The following PDZD2 variants were observed in gnomAD, a reference collection of about 807,000 sequenced individuals.
PDZD2 encodes the protein PDZ domain-containing protein 2.
PDZD2 carries 90 observed loss-of-function variants against 220.7 expected under a neutral mutation model. The ratio of observed to expected loss-of-function variants is 0.41; its 90% confidence interval spans 0.34 to 0.49. The LOEUF (loss-of-function observed/expected upper bound fraction) is 0.49, where lower values mean the gene tolerates loss of function less well. Ranked by LOEUF, PDZD2 falls within the 20% of genes least tolerant of loss-of-function variation. PDZD2 has a pLI of 0.28. For synonymous variants in PDZD2, 1,375 were observed against 1,450.5 expected (o/e 0.95, Z 1.18); for missense variants, 3,174 against 3,608.5 (o/e 0.88, Z 3.08).
chr5:31,983,735 G>A, intron 3 of PDZD2, 79 bp downstream of exon 3: 4 of 1,388,188 alleles, frequency 2.9e-6, no homozygotes, highest in African/African-American at 1.4e-5. Flanking sequence ...AGCCCATGCG[G>A]GAAATACAAG....
intron 19 of PDZD2, among the ~76,000 whole-genome samples, chr5:32,079,434 C>T (rs1040502984): frequency 5.3e-5 from 8 of 151,740 alleles, no homozygotes; most frequent in Non-Finnish European, 8.8e-5. Context: ...ACTGTCTCAG[C>T]GCCTGCCTTC....
At chr5:31,749,545 T>C (rs1158825892) in intron 1 of PDZD2, among the ~76,000 whole-genome samples, 2 of 152,024 alleles carry the variant, frequency 1.3e-5, no homozygotes, top group East Asian at 3.9e-4. Context: ...TGCCTCAGCT[T>C]CCCGAGTAGC....
At chr5:31,641,249 G>A (rs995478452) in intron 1 of PDZD2, among the ~76,000 whole-genome samples, 5 of 152,190 alleles carry the variant, frequency 3.3e-5, no homozygotes, top group African/African-American at 1.2e-4. Flanking sequence ...GCAGACCAGT[G>A]CACATGCTGC....
chr5:31,764,826 C>T (rs1751889513), intron 1 of PDZD2, among the ~76,000 whole-genome samples: 1 of 152,180 alleles, frequency 6.6e-6, no homozygotes, highest in Non-Finnish European at 1.5e-5. Flanking sequence ...CCTGTTATCC[C>T]AGCACTTTGG....
At chr5:31,884,227 G>GCATACATACATACATACATA (rs557964815) in intron 2 of PDZD2, among the ~76,000 whole-genome samples, 2,243 of 147,536 alleles carry the variant, frequency 0.015, 65 homozygotes, top group African/African-American at 0.049. Flanking sequence ...ATAACTGCAT[G>GCATACATACATACATACATA]CATGCATACA....
rs770328018 is a variant in PDZD2, at chr5:32,037,189, G to C, written c.1408-42G>C. 7.8e-6 allele frequency: 10 copies of C among 1,275,576 alleles called. No individual in the cohort carries two copies. The South Asian group carries it at 1.1e-4, about 14-fold the overall frequency. The allele number at this position is 1,275,576 out of a possible 1,614,324, so 79.0% of individuals were successfully genotyped here. A position where few individuals can be genotyped will look rare whatever the true frequency, so the allele number is the denominator to read the frequency against. ...GAGGGGGACAGCATAAGTCATCGCA[G>C]GGCTGGGCTCTCCCATCAGCTCTGT... is the stretch of plus-strand genomic sequence containing the variant. On this transcript the variant is annotated intron_variant, in intron 6 of 24. Transcript: ENST00000438447.
At chr5:31,896,892 G>A (rs1741619759) in intron 2 of PDZD2, among the ~76,000 whole-genome samples, 1 of 152,218 alleles carries the variant, frequency 6.6e-6, no homozygotes, top group African/African-American at 2.4e-5. Context: ...GGGAGGTCAA[G>A]GCTGCAGTGA....
intron 19 of PDZD2, among the ~76,000 whole-genome samples, chr5:32,079,112 T>C (rs537265785): frequency 3.3e-5 from 5 of 150,622 alleles, no homozygotes; most frequent in African/African-American, 1.2e-4. Flanking sequence ...ATAAAAAAAT[T>C]AGCGGGTGTT....
Position 32,014,118 on chromosome 5 carries a change from A to G in PDZD2, c.1407+3636A>G, listed in dbSNP as rs1262469356. Among the ~76,000 whole-genome samples the G allele has an allele frequency of 2.6e-5, 4 of 152,360 alleles. No homozygotes were observed. The East Asian group carries it at 5.8e-4, about 22-fold the overall frequency. On this transcript the variant is annotated intron_variant, in intron 6 of 24. Coordinates refer to ENST00000438447, the MANE Select transcript of PDZD2 (RefSeq NM_178140.4). ...TTGTTTCAGCGTTTTTAAAAATGAA[A>G]GGACCACTTAAAGAAATGTGGTACT...
chr5:32,020,748 G>A (rs1367661051), intron 6 of PDZD2, among the ~76,000 whole-genome samples: 1 of 151,028 alleles, frequency 6.6e-6, no homozygotes, highest in Non-Finnish European at 1.5e-5. Flanking sequence ...AGGTTCAAGC[G>A]ATTCTCCTGC....
At chr5:31,747,509 G>A (rs1390965591) in intron 1 of PDZD2, 13 of 152,198 alleles carry the variant, frequency 8.5e-5, no homozygotes, top group African/African-American at 7.2e-5. Flanking sequence ...CTGTGTTTTG[G>A]GGTAGTGTGT....
intron 2 of PDZD2, among the ~76,000 whole-genome samples, chr5:31,808,347 G>C (rs6874777): frequency 0.046 from 7,020 of 152,250 alleles, 500 homozygotes; most frequent in African/African-American, 0.16. Context: ...ACGAAAACAA[G>C]TTTCAGCATT....
intron 6 of PDZD2, among the ~76,000 whole-genome samples, chr5:32,011,355 CAGGTGTGGTGG>C (rs1753305866): frequency 6.6e-6 from 1 of 150,968 alleles, no homozygotes; most frequent in African/African-American, 2.4e-5. Context: ...AAAAATTAGC[CAGGTGTGGTGG>C]GGCATGCCTG....
rs1749110121 is a variant in PDZD2, at chr5:31,726,013, T to C, written c.-360-72876T>C. 3 of 422,134 alleles carry C rather than the reference T, an allele frequency of 7.1e-6. No homozygotes were observed. The South Asian group carries it at 9.7e-5, about 14-fold the overall frequency. The allele number at this position is 422,134 out of a possible 1,614,324, so 26.1% of individuals were successfully genotyped here. On this transcript the variant is annotated intron_variant, in intron 1 of 24. Coordinates refer to ENST00000438447, the MANE Select transcript of PDZD2 (RefSeq NM_178140.4). ...CTGGGTCTTCCCTGCAGATGCATAA[T>C]GGAGTAGAAAGCGTGCTGAACCGAG...
intron 2 of PDZD2, among the ~76,000 whole-genome samples, chr5:31,905,043 A>C (rs6895373): frequency 0.15 from 22,230 of 151,998 alleles, 1,822 homozygotes; most frequent in Middle Eastern, 0.24. Flanking sequence ...ATCTTAGCCC[A>C]CTGCAACCTC....
chr5:32,074,007 C>T lies in PDZD2; in HGVS notation c.2901C>T (p.Ala967=). 6.2e-7 allele frequency: 1 copy of T among 1,614,162 alleles called. No individual in the cohort carries two copies. Among genetic ancestry groups the T allele is most frequent in the Admixed American group, 1.7e-5 (1 of 60,022 alleles). ...LRQRKVGCYD[A]NDASDEEEFD... Reference sequence around the variant, plus strand: ...AGAGGAAGGTAGGCTGCTACGATGCCAACGATGCCAGTGATGAGGAAGAGT... The same window carrying T: ...AGAGGAAGGTAGGCTGCTACGATGCTAACGATGCCAGTGATGAGGAAGAGT... Residue 967 remains alanine, a synonymous_variant, in exon 18 of 25, where the codon GCC becomes GCT. Transcript: ENST00000438447.
chr5:31,997,422 A>C (rs758039243), intron 4 of PDZD2, among the ~76,000 whole-genome samples: 212 of 152,340 alleles, frequency 1.4e-3, no homozygotes, highest in Non-Finnish European at 2.5e-3. Flanking sequence ...TAAAGTAGAG[A>C]TAAGATTAAC....
In PDZD2 at chr5:32,072,305, C is replaced by T. The variant is rs1216647837; in HGVS notation, c.2713C>T (p.Pro905Ser). ...CACGTCGGAGGAGGGCAGCCTGCCTCCCAGCACCTCCAGTAAGCAGGGGTG... is the reference window on the plus strand; with the variant it reads ...CACGTCGGAGGAGGGCAGCCTGCCTTCCAGCACCTCCAGTAAGCAGGGGTG... ...CSTSEEGSLP[P>S]STSTHKEPGK... Residue 905 changes from proline (P) to serine (S), a missense_variant, in exon 17 of 25, where the codon CCC becomes TCC. Pro to Ser is a moderately conservative substitution (Grantham distance 74). Coordinates refer to ENST00000438447, the MANE Select transcript of PDZD2 (RefSeq NM_178140.4). The T allele has an allele frequency of 3.0e-5, 48 of 1,612,116 alleles. No homozygotes were observed. The highest frequency in any genetic ancestry group is 3.9e-5 in the Non-Finnish European group (46 of 1,179,002).
At chr5:31,691,071 G>A (rs1371569995) in intron 1 of PDZD2, among the ~76,000 whole-genome samples, 3 of 152,186 alleles carry the variant, frequency 2.0e-5, no homozygotes. Flanking sequence ...ATGAAGCCGC[G>A]GACCCTCATG....
Sources: gnomAD v4.1 joint callset for allele counts (sites outside exome capture counted in the v4.1 genomes callset) on GRCh38, gnomAD v4.1.1 for gene constraint, MANE v1.5 for transcripts, NCBI Gene and HGNC (gene_info 2026-07-23, HGNC 2026-07-21) for gene names.